KHDRBS2: variants seen among roughly 807,000 people sequenced by gnomAD.
KHDRBS2 encodes the protein KH RNA binding domain containing, signal transduction associated 2.
KHDRBS2 carries 26 observed loss-of-function variants against 44.3 expected under a neutral mutation model. That is an observed-to-expected ratio of 0.59 (90% CI 0.43 to 0.81). The LOEUF (loss-of-function observed/expected upper bound fraction) is 0.81. KHDRBS2 is among the 40% of genes least tolerant of loss of function. The pLI, the probability that KHDRBS2 is intolerant of heterozygous loss-of-function variation, is 0.00. For synonymous variants in KHDRBS2, 194 were observed against 151.1 expected (o/e 1.28, Z -2.08); for missense variants, 476 against 433.1 (o/e 1.10, Z -0.88).
At chr6:61,843,341 T>TTTTTTATTATTA (rs369055618) in intron 6 of KHDRBS2, among the ~76,000 whole-genome samples, 1 of 143,374 alleles carries the variant, frequency 7.0e-6, no homozygotes, top group African/African-American at 2.6e-5. Flanking sequence ...TTATATCTAT[T>TTTTTTATTATTA]TTATTATTAT....
intron 6 of KHDRBS2, among the ~76,000 whole-genome samples, chr6:61,877,368 A>G (rs1799568828): frequency 1.3e-5 from 2 of 152,046 alleles, no homozygotes; most frequent in South Asian, 2.1e-4. Flanking sequence ...TACTGGGAGC[A>G]GAAATAGAAA....
chr6:62,210,001 C>T (rs541034170), intron 1 of KHDRBS2, among the ~76,000 whole-genome samples: 2 of 152,248 alleles, frequency 1.3e-5, no homozygotes, highest in East Asian at 1.9e-4. Context: ...TATTGAGGTA[C>T]TTCATCTTGT....
At chr6:61,853,048 T>C (rs1347731377) in intron 6 of KHDRBS2, among the ~76,000 whole-genome samples, 1 of 152,200 alleles carries the variant, frequency 6.6e-6, no homozygotes, top group African/African-American at 2.4e-5. Context: ...TGCCATTGGA[T>C]CTTGCCCCTG....
At chr6:62,108,847 C>G (rs1804244497) in intron 2 of KHDRBS2, among the ~76,000 whole-genome samples, 1 of 151,950 alleles carries the variant, frequency 6.6e-6, no homozygotes, top group Non-Finnish European at 1.5e-5. Context: ...ATCGCAAGGA[C>G]AAAAAACCAA....
At chr6:61,894,974 T>G (rs1276110908) in intron 5 of KHDRBS2, 141 bp from the exon 6 acceptor site, 2 of 604,748 alleles carry the variant, frequency 3.3e-6, no homozygotes, top group Non-Finnish European at 5.8e-6. Context: ...TGTGTGTGTG[T>G]ATGCATTTAA....
chr6:62,198,624 C>T (rs1023647985), intron 1 of KHDRBS2, among the ~76,000 whole-genome samples: 1 of 152,068 alleles, frequency 6.6e-6, no homozygotes, highest in African/African-American at 2.4e-5. Flanking sequence ...AGTCCAGGAC[C>T]AGATGGATTC....
intron 7 of KHDRBS2, among the ~76,000 whole-genome samples, chr6:61,717,265 G>A (rs1381083483): frequency 6.6e-6 from 1 of 151,930 alleles, no homozygotes; most frequent in East Asian, 1.9e-4. Flanking sequence ...CTGATAATTT[G>A]AGGAAACACA....
In KHDRBS2 at chr6:62,235,794, A is replaced by G. The variant is rs1202793359; in HGVS notation, c.91+50064T>C. Among the ~76,000 whole-genome samples the G allele has an allele frequency of 2.0e-5, 3 of 152,084 alleles. No homozygotes were observed. In the East Asian group the frequency reaches 5.8e-4, roughly 29 times the overall value. ...ATAAACAATATATCACAACTCTTCCATGGTACAATTTCGAGATTTCTAAAA... is the reference window on the plus strand; with the variant it reads ...ATAAACAATATATCACAACTCTTCCGTGGTACAATTTCGAGATTTCTAAAA... On this transcript the variant is annotated intron_variant, in intron 1 of 8. Transcript: ENST00000281156.
the KHDRBS2 span, among the ~76,000 whole-genome samples, chr6:61,583,830 T>G: frequency 6.6e-6 from 1 of 151,684 alleles, no homozygotes; most frequent in Non-Finnish European, 1.5e-5. Context: ...GTATTGAGTC[T>G]TCCAACCCAT....
At chr6:61,837,463 A>G (rs1398328151) in intron 6 of KHDRBS2, among the ~76,000 whole-genome samples, 3 of 151,998 alleles carry the variant, frequency 2.0e-5, no homozygotes, top group Non-Finnish European at 4.4e-5. Flanking sequence ...GAAGAGATTT[A>G]CACTATGAAG....
intron 1 of KHDRBS2, among the ~76,000 whole-genome samples, chr6:62,218,674 G>A (rs1184260515): frequency 1.3e-5 from 2 of 151,714 alleles, no homozygotes; most frequent in Admixed American, 1.3e-4. Flanking sequence ...TCAACATGGG[G>A]TATCTATCTG....
chr6:62,086,367 T>G (rs1303591666), intron 2 of KHDRBS2, among the ~76,000 whole-genome samples: 1 of 152,128 alleles, frequency 6.6e-6, no homozygotes, highest in Non-Finnish European at 1.5e-5. Flanking sequence ...GAAGCTTTGA[T>G]AGCTATAAAA....
chr6:61,945,098 AAAAAAAAAAAAAAAGTAT>A (rs1812939827), intron 4 of KHDRBS2, among the ~76,000 whole-genome samples: 1 of 45,812 alleles, frequency 2.2e-5, no homozygotes, highest in Non-Finnish European at 4.4e-5. Flanking sequence ...CTTAAAAAAA[AAAAAAAAAAAAAAAGTAT>A]ATATATATAT....
chr6:61,891,508 G>C (rs1801834269), intron 6 of KHDRBS2, among the ~76,000 whole-genome samples: 2 of 152,120 alleles, frequency 1.3e-5, no homozygotes, highest in Non-Finnish European at 2.9e-5. Flanking sequence ...AGAAGGAATG[G>C]TACCAGCTCC....
chr6:62,144,768 G>A (rs1307074711), intron 2 of KHDRBS2, among the ~76,000 whole-genome samples: 1 of 151,954 alleles, frequency 6.6e-6, no homozygotes, highest in African/African-American at 2.4e-5. Flanking sequence ...GCATGAAGGT[G>A]CAAGGTACGT....
intron 1 of KHDRBS2, among the ~76,000 whole-genome samples, chr6:62,193,035 T>A (rs73760317): frequency 0.01 from 1,562 of 152,214 alleles, 32 homozygotes; most frequent in African/African-American, 0.035. Flanking sequence ...CCATCTCCCT[T>A]AGCATCAATA....
chr6:62,268,878 A>G (rs1366533005), intron 1 of KHDRBS2, among the ~76,000 whole-genome samples: 2 of 152,090 alleles, frequency 1.3e-5, no homozygotes, highest in Admixed American at 6.6e-5. Flanking sequence ...CAGAGGGTCA[A>G]TATTGAAAAA....
At chr6:61,642,464 TG>T in the KHDRBS2 span, among the ~76,000 whole-genome samples, 5 of 147,334 alleles carry the variant, frequency 3.4e-5, no homozygotes, top group Non-Finnish European at 7.4e-5. Flanking sequence ...AAGACAAGCC[TG>T]GGCAACAAGC....
At chr6:62,179,087 T>A (rs1009653017) in intron 1 of KHDRBS2, among the ~76,000 whole-genome samples, 1 of 151,560 alleles carries the variant, frequency 6.6e-6, no homozygotes, top group Non-Finnish European at 1.5e-5. Context: ...TAAAGAAAAA[T>A]TCCTAAAACA....
Sources: allele counts gnomAD v4.1 joint callset (sites outside exome capture counted in the v4.1 genomes callset), GRCh38; gene constraint gnomAD v4.1.1; transcripts MANE v1.5; gene names NCBI Gene and HGNC (gene_info 2026-07-23, HGNC 2026-07-21).